DNAH6: variants seen among roughly 807,000 people sequenced by gnomAD.
DNAH6 encodes dynein axonemal heavy chain 6, also known as axonemal beta dynein heavy chain 6.
In DNAH6, 340 loss-of-function variants were observed where a neutral mutation model predicts 491.4. The ratio of observed to expected loss-of-function variants is 0.69; its 90% CI spans 0.63 to 0.76. The LOEUF (loss-of-function observed/expected upper bound fraction) is 0.76, where lower values mean the gene tolerates loss of function less well. Among genes scored for constraint, DNAH6 ranks in the 30% least tolerant of loss-of-function variants. The probability of loss-of-function intolerance (pLI) is 0.00; values close to 1 mark genes in which losing one functional copy is unlikely to be tolerated. For missense variants in DNAH6, 4,443 were observed against 4,972.2 expected, an observed-to-expected ratio of 0.89 and a Z score of 3.20; for synonymous variants, 1,603 against 1,686.1, an observed-to-expected ratio of 0.95 and a Z score of 1.21.
At chr2:84,634,268 G>T (rs1306289946) in intron 29 of DNAH6, among the ~76,000 whole-genome samples, 1 of 152,132 alleles carries the variant, frequency 6.6e-6, no homozygotes, top group African/African-American at 2.4e-5. Flanking sequence ...AAGGAAAATT[G>T]GTCAGATTGT....
At chr2:84,669,884 C>A (rs1045545911) in intron 38 of DNAH6, among the ~76,000 whole-genome samples, 5 of 152,128 alleles carry the variant, frequency 3.3e-5, no homozygotes, top group African/African-American at 1.2e-4. Flanking sequence ...GGCCTGTTCA[C>A]TTATACCTGA....
At chr2:84,750,145 G>A (rs1673324222) in intron 63 of DNAH6, among the ~76,000 whole-genome samples, 1 of 149,616 alleles carries the variant, frequency 6.7e-6, no homozygotes. Flanking sequence ...TTTTTTAGAT[G>A]TAATTGTGGT....
chr2:84,732,867 A>G (rs1699236997), intron 61 of DNAH6, among the ~76,000 whole-genome samples: 1 of 152,240 alleles, frequency 6.6e-6, no homozygotes, highest in South Asian at 2.1e-4. Context: ...CAGTCTTACA[A>G]TCACAGCTAT....
the DNAH6 span, among the ~76,000 whole-genome samples, chr2:84,500,224 G>T: frequency 6.6e-6 from 1 of 152,212 alleles, no homozygotes; most frequent in South Asian, 2.1e-4. Context: ...TGAGAGATGG[G>T]GGTCTAGTCT....
the DNAH6 span, among the ~76,000 whole-genome samples, chr2:84,491,841 T>C: frequency 6.6e-6 from 1 of 152,212 alleles, no homozygotes; most frequent in South Asian, 2.1e-4. Flanking sequence ...ACAGAGGGTC[T>C]AAAAACACAA....
At chr2:84,745,608 G>C (rs1573678398) in intron 63 of DNAH6, among the ~76,000 whole-genome samples, 1 of 151,156 alleles carries the variant, frequency 6.6e-6, no homozygotes, top group Non-Finnish European at 1.5e-5. Flanking sequence ...AGAGCTTGCA[G>C]TGAGCCGAGA....
intron 18 of DNAH6, among the ~76,000 whole-genome samples, chr2:84,600,128 C>G (rs1685075256): frequency 2.0e-5 from 3 of 152,142 alleles, no homozygotes; most frequent in African/African-American, 7.2e-5. Context: ...CCAGCTTGTT[C>G]TGTTAGGGAC....
At chr2:84,522,197 G>A (rs1388854835) in intron 2 of DNAH6, among the ~76,000 whole-genome samples, 1 of 151,922 alleles carries the variant, frequency 6.6e-6, no homozygotes. Flanking sequence ...CACCTCCCTG[G>A]TTAAAATATT....
intron 63 of DNAH6, 97 bp downstream of exon 63, chr2:84,745,346 G>A: frequency 1.0e-6 from 1 of 983,444 alleles, no homozygotes. Flanking sequence ...GAGTAACAAT[G>A]GCCAAGTTTG....
In DNAH6 at chr2:84,688,474, C is replaced by T; in HGVS notation, c.7173C>T (p.Asp2391=). The T allele has an allele frequency of 1.3e-6, 2 of 1,536,340 alleles. No homozygotes were observed. ...ATAAAGCTGATCGGATTTATGATGA[C>T]ATGCCTGATATAGAGAAAACTGCAA... ...GADKADRIYD[D]MPDIEKTANV... The change falls in exon 45 of 77, where the codon GAC becomes GAT. Residue 2391 remains aspartate, a synonymous_variant. Coordinates refer to ENST00000389394, the MANE Select transcript of DNAH6 (RefSeq NM_001370.2).
chr2:84,513,771 AT>A (rs1273885862), upstream of DNAH6, among the ~76,000 whole-genome samples: 1 of 151,724 alleles, frequency 6.6e-6, no homozygotes, highest in Non-Finnish European at 1.5e-5. Flanking sequence ...AGTAGCTTGC[AT>A]TTTTTTCCCC....
In DNAH6 at chr2:84,528,873, T is replaced by TTA. The variant is rs1003336878; in HGVS notation, c.400-30_400-29insAT. ...TTGTGTGTATGTGTGCAAAGACTCA[T>TTA]TTTTTTTTTTCAAAAATTGGCTTTG... On this transcript the variant is annotated intron_variant, in intron 3 of 76. Coordinates refer to ENST00000389394, the MANE Select transcript of DNAH6 (RefSeq NM_001370.2). The TTA allele has an allele frequency of 9.9e-6, 13 of 1,316,992 alleles. No individual in the cohort carries two copies. The Admixed American group carries it at 3.7e-4, about 38-fold the overall frequency. 81.6% of individuals were successfully genotyped at this position (1,316,992 alleles called of 1,614,324 possible).
chr2:84,478,717 G>A, the DNAH6 span, among the ~76,000 whole-genome samples: 1 of 152,120 alleles, frequency 6.6e-6, no homozygotes, highest in African/African-American at 2.4e-5. Flanking sequence ...AGTGGGAGAG[G>A]TCCAGCTGTT....
intron 63 of DNAH6, among the ~76,000 whole-genome samples, chr2:84,748,626 G>GGCT (rs1673182348): frequency 6.6e-6 from 1 of 152,126 alleles, no homozygotes; most frequent in African/African-American, 2.4e-5. Flanking sequence ...ACAGTCTCTA[G>GGCT]GAAGTCCCAA....
chr2:84,546,136 G>A (rs1678763868), intron 5 of DNAH6, among the ~76,000 whole-genome samples: 1 of 152,042 alleles, frequency 6.6e-6, no homozygotes, highest in African/African-American at 2.4e-5. Flanking sequence ...TATCTCCATA[G>A]AGTGGCCTGT....
chr2:84,705,406 A>C, intron 51 of DNAH6, 80 bp from the exon 52 acceptor site: 1 of 1,276,318 alleles, frequency 7.8e-7, no homozygotes. Context: ...ATAATATCAT[A>C]ATGTTCTCAA....
intron 40 of DNAH6, among the ~76,000 whole-genome samples, chr2:84,673,934 A>G (rs1172700443): frequency 1.3e-5 from 2 of 152,192 alleles, no homozygotes; most frequent in Non-Finnish European, 2.9e-5. Context: ...CTTCAATCCA[A>G]TCAAGTTGAT....
chr2:84,707,662 A>G lies in DNAH6; in HGVS notation c.8994A>G (p.Ile2998Met). 6.4e-7 allele frequency: 1 copy of G among 1,552,386 alleles called. No individual in the cohort carries two copies. The highest frequency in any genetic ancestry group is 8.7e-7 in the Non-Finnish European group (1 of 1,147,126). The change falls in exon 54 of 77, where the codon ATA becomes ATG. Residue 2998 changes from isoleucine (I) to methionine (M), a missense_variant. Ile to Met is a conservative substitution (Grantham distance 10). This residue lies in a region of DNAH6 where 1,463 missense variants were observed against 1,656.6 expected (regional missense o/e 0.88). Transcript: ENST00000389394. ...CAAATATCACTGGGAACGTGTTCAT[A>G]GCAGCAGCTTGTGTGGCCTACTATG... The part of the protein sequence containing the change: ...EISNITGNVF[I>M]AAACVAYYGA...
chr2:84,506,323 G>T, the DNAH6 span, among the ~76,000 whole-genome samples: 2 of 151,902 alleles, frequency 1.3e-5, no homozygotes, highest in Non-Finnish European at 2.9e-5. Flanking sequence ...GCCAGTGATG[G>T]TGAGCATTTT....
Sources: gnomAD v4.1 joint callset for allele counts (sites outside exome capture counted in the v4.1 genomes callset) on GRCh38, gnomAD v4.1.1 for gene constraint, gnomAD v4.1.1 regional missense constraint, MANE v1.5 for transcripts, NCBI Gene and HGNC (gene_info 2026-07-23, HGNC 2026-07-21) for gene names.